The following ENTPD7 variants were observed in gnomAD, a reference collection of about 807,000 sequenced individuals.
ENTPD7 encodes the protein ectonucleoside triphosphate diphosphohydrolase 7.
ENTPD7 carries 53 observed loss-of-function variants against 77.9 expected under a neutral mutation model. That is an observed-to-expected ratio of 0.68 (90% CI 0.55 to 0.85). The LOEUF (loss-of-function observed/expected upper bound fraction) is 0.85. ENTPD7 is among the 40% of genes least tolerant of loss of function. The pLI, the probability that ENTPD7 is intolerant of heterozygous loss-of-function variation, is 0.00. For missense variants in ENTPD7, 636 were observed against 743.7 expected, an observed-to-expected ratio of 0.86 and a Z score of 1.68; for synonymous variants, 248 against 274.9, an observed-to-expected ratio of 0.90 and a Z score of 0.97.
chr10:99,694,537 T>TG (rs1214055723), intron 8 of ENTPD7, among the ~76,000 whole-genome samples: 3 of 65,916 alleles, frequency 4.6e-5, no homozygotes, highest in Non-Finnish European at 9.8e-5. Context: ...TAAGTTTTTT[T>TG]GTTTTTTTTT....
chr10:99,687,259 CT>C (rs71009768), intron 6 of ENTPD7, among the ~76,000 whole-genome samples: 1 of 29,526 alleles, frequency 3.4e-5, no homozygotes, highest in Non-Finnish European at 5.6e-5. Context: ...TTCTTTCTTT[CT>C]TTTTTTTTTT....
At position 99,708,114 on chromosome 10, in the gene ENTPD7, C is replaced by T. The variant is rs2133541720; in HGVS notation, c.*3431C>T. Among the ~76,000 whole-genome samples the T allele has an allele frequency of 6.6e-6, 1 of 152,276 alleles. No homozygotes were observed. Among genetic ancestry groups the T allele is most frequent in the South Asian group, 2.1e-4 (1 of 4,828 alleles). Reference sequence around the variant, plus strand: ...TGGTCTGGGAAATTTTCATCACTTTCCACCAATCTTCTATTTATTCTCCAA... The same window carrying T: ...TGGTCTGGGAAATTTTCATCACTTTTCACCAATCTTCTATTTATTCTCCAA... On this transcript the variant is annotated 3_prime_UTR_variant, in exon 13 of 13. Coordinates refer to ENST00000370489, the MANE Select transcript of ENTPD7 (RefSeq NM_020354.5).
intron 8 of ENTPD7, among the ~76,000 whole-genome samples, chr10:99,694,624 C>G (rs565756271): frequency 1.0e-4 from 15 of 150,740 alleles, no homozygotes; most frequent in African/African-American, 3.7e-4. Context: ...GCAACCTCTG[C>G]CTCCCAGGTT....
intron 8 of ENTPD7, among the ~76,000 whole-genome samples, chr10:99,695,647 T>C (rs979277137): frequency 1.3e-5 from 2 of 152,212 alleles, no homozygotes; most frequent in African/African-American, 2.4e-5. Context: ...ATTGAGGGAA[T>C]TGGAAAATAC....
chr10:99,691,643 C>T (rs1025851530), intron 8 of ENTPD7, 125 bp downstream of exon 8: 7 of 1,066,374 alleles, frequency 6.6e-6, no homozygotes, highest in Admixed American at 5.4e-5. Flanking sequence ...TGCTAGCTTG[C>T]GTTATCTTGA....
Position 99,678,525 on chromosome 10 carries a change from G to T in ENTPD7, c.192-736G>T, listed in dbSNP as rs1199958666. ...TATATATATAAAATATTGTAGAAAA[G>T]AATAATTATTGTTTTTATGAATTAC... is the stretch of plus-strand genomic sequence containing the variant. On this transcript the variant is annotated intron_variant, in intron 3 of 12. Coordinates refer to ENST00000370489, the MANE Select transcript of ENTPD7 (RefSeq NM_020354.5). Among the ~76,000 whole-genome samples the T allele has an allele frequency of 5.3e-5, 8 of 151,352 alleles. No individual in the cohort carries two copies. The South Asian group carries it at 6.3e-4, about 12-fold the overall frequency.
chr10:99,679,761 G>T lies in ENTPD7; in HGVS notation c.434G>T (p.Ser145Ile). The change falls in exon 5 of 13, where the codon AGT becomes ATT. Residue 145 changes from serine to isoleucine, a missense_variant. Physicochemically the swap from Ser to Ile is moderately radical, Grantham distance 142. Transcript: ENST00000370489. ...SAMADTPEHA[S>I]DYLRPLLSFA... ...ATGGCAGACACTCCAGAACATGCCA[G>T]TGATTACCTTCGTCCTCTGCTGAGC... is the stretch of plus-strand genomic sequence containing the variant. 2 of 1,614,090 alleles carry T rather than the reference G, an allele frequency of 1.2e-6. No homozygotes were observed. The highest frequency in any genetic ancestry group is 1.7e-6 in the Non-Finnish European group (2 of 1,179,996).
intron 11 of ENTPD7, among the ~76,000 whole-genome samples, chr10:99,701,787 C>T (rs553641085): frequency 7.9e-5 from 12 of 151,902 alleles, no homozygotes; most frequent in Non-Finnish European, 1.8e-4. Flanking sequence ...GTGGCTCACA[C>T]CTGTAATCCT....
chr10:99,701,155 G>A, intron 11 of ENTPD7, 97 bp downstream of exon 11: 1 of 1,098,574 alleles, frequency 9.1e-7, no homozygotes, highest in Non-Finnish European at 1.4e-6. Flanking sequence ...ATTTCATGTT[G>A]AGGGAGCATT....
intron 9 of ENTPD7, chr10:99,697,542 A>G (rs1286185246): frequency 1.3e-5 from 2 of 156,582 alleles, no homozygotes; most frequent in East Asian, 3.8e-4. Context: ...GTGACTGATG[A>G]GTAAAAGGCA....
intron 3 of ENTPD7, among the ~76,000 whole-genome samples, chr10:99,669,042 C>A (rs375478965): frequency 5.8e-5 from 8 of 137,798 alleles, no homozygotes; most frequent in African/African-American, 1.1e-4. Context: ...TTTTATATAT[C>A]TTTTTTTTTT....
At chr10:99,692,942 GA>G (rs1462504173) in intron 8 of ENTPD7, among the ~76,000 whole-genome samples, 1 of 152,166 alleles carries the variant, frequency 6.6e-6, no homozygotes, top group Non-Finnish European at 1.5e-5. Flanking sequence ...GTAGGAGAAA[GA>G]ATATAGGTCA....
At chr10:99,666,002 T>G (rs1246977128) in intron 3 of ENTPD7, among the ~76,000 whole-genome samples, 1 of 152,230 alleles carries the variant, frequency 6.6e-6, no homozygotes, top group Non-Finnish European at 1.5e-5. Flanking sequence ...AGTTTCTCAC[T>G]TGAAGACGAC....
intron 12 of ENTPD7, 74 bp downstream of exon 12, chr10:99,702,747 C>CTTT: frequency 1.8e-6 from 2 of 1,125,608 alleles, no homozygotes; most frequent in Non-Finnish European, 2.4e-6. Context: ...CGGTTTCTTT[C>CTTT]TTTTTTTTTT....
intron 5 of ENTPD7, among the ~76,000 whole-genome samples, chr10:99,680,178 A>T (rs2035735268): frequency 6.6e-6 from 1 of 152,164 alleles, no homozygotes; most frequent in African/African-American, 2.4e-5. Flanking sequence ...GATGACCTGG[A>T]TACTTAGGGA....
chr10:99,659,879 T>C lies in ENTPD7; in HGVS notation c.-78T>C. ...CTTTCTAGGCTGCAGACGTAGGAGA[T>C]GCCTGGGACAAGGAGGCCACCTTCT... On this transcript the variant is annotated 5_prime_UTR_variant, in exon 2 of 13. It removes an upstream start codon present in the reference 5' UTR. Transcript: ENST00000370489. The surrounding 1 kb of genome is among the most constrained non-coding windows in gnomAD (Gnocchi z 4.1). The C allele has an allele frequency of 6.2e-7, 1 of 1,603,340 alleles. No individual in the cohort carries two copies. The highest frequency in any genetic ancestry group is 1.7e-5 in the Admixed American group (1 of 59,720).
chr10:99,693,640 G>A (rs1016112782), intron 8 of ENTPD7, among the ~76,000 whole-genome samples: 2 of 152,182 alleles, frequency 1.3e-5, no homozygotes, highest in African/African-American at 4.8e-5. Flanking sequence ...ATAGCAGGCC[G>A]GGCACGGTGG....
At chr10:99,678,251 G>A (rs941594700) in intron 3 of ENTPD7, among the ~76,000 whole-genome samples, 40 of 149,742 alleles carry the variant, frequency 2.7e-4, no homozygotes, top group Non-Finnish European at 3.4e-4. Flanking sequence ...GGCGGATCAC[G>A]AGGTCAGGAG....
At chr10:99,661,199 T>TAACATGAG (rs1176890729) in intron 2 of ENTPD7, among the ~76,000 whole-genome samples, 1 of 152,218 alleles carries the variant, frequency 6.6e-6, no homozygotes, top group African/African-American at 2.4e-5. Flanking sequence ...ATCTTTTCAC[T>TAACATGAG]AACATGAGAT....
Sources: gnomAD v4.1 joint callset for allele counts (sites outside exome capture counted in the v4.1 genomes callset) on GRCh38, gnomAD v4.1.1 for gene constraint, Gnocchi (gnomAD v3.1) non-coding constraint, MANE v1.5 for transcripts, NCBI Gene and HGNC (gene_info 2026-07-23, HGNC 2026-07-21) for gene names.